The following PHF10 variants were observed in gnomAD, a reference collection of about 807,000 sequenced individuals.
PHF10 encodes PHD finger protein 10.
In PHF10, 51 loss-of-function variants were observed where a neutral mutation model predicts 68.5. The observed-to-expected ratio is 0.74, with a 90% CI of 0.59 to 0.94. The LOEUF is 0.94. Among genes scored for constraint, PHF10 ranks in the 40% least tolerant of loss-of-function variants. The probability of loss-of-function intolerance (pLI) is 0.00; values close to 1 mark genes in which losing one functional copy is unlikely to be tolerated. For missense variants in PHF10, 460 were observed against 602.6 expected (o/e 0.76, Z 2.48); for synonymous variants, 204 against 203.5 (o/e 1.00, Z -0.02).
intron 9 of PHF10, 29 bp downstream of exon 9, chr6:169,710,207 A>C (rs1788895010): frequency 2.6e-6 from 4 of 1,544,932 alleles, no homozygotes; most frequent in East Asian, 2.3e-5. Context: ...GTCAGTAAAG[A>C]AGCTGAGTCA....
At chr6:169,707,156 CAT>C (rs1788820497) in intron 9 of PHF10, 1 of 152,116 alleles carries the variant, frequency 6.6e-6, no homozygotes. Context: ...GTTAAACATA[CAT>C]ATAAAACTTT....
chr6:169,722,343 C>A (rs1789200090), intron 1 of PHF10, among the ~76,000 whole-genome samples: 1 of 152,188 alleles, frequency 6.6e-6, no homozygotes, highest in South Asian at 2.1e-4. Context: ...TATCTGCATA[C>A]AACTGCAACA....
chr6:169,710,514 G>T lies in PHF10; in HGVS notation c.958-123C>A, dbSNP rs988055758. ...AGCTTTATCATTTTAAAAATAAAAA[G>T]ATCATTCTAAATGTAAGAAAGCTTT... On this transcript the variant is annotated intron_variant, in intron 8 of 11. Transcript: ENST00000339209. 4 of 743,580 alleles carry T rather than the reference G, an allele frequency of 5.4e-6. No individual in the cohort carries two copies. The East Asian group carries it at 1.1e-4, about 20-fold the overall frequency. The allele number at this position is 743,580 out of a possible 1,614,324, so 46.1% of individuals were successfully genotyped here.
chr6:169,704,087 A>G lies in PHF10; in HGVS notation c.1413T>C (p.Gly471=). Residue 471 remains glycine, a splice_region_variant and synonymous_variant, in exon 12 of 12, where the codon GGT becomes GGC. Transcript: ENST00000339209. Reference sequence around the variant, plus strand: ...GCTGACAACAGTCACAAATCCAGCGACCTAGGAAAAAAATTGTTAATATAG... The same window carrying G: ...GCTGACAACAGTCACAAATCCAGCGGCCTAGGAAAAAAATTGTTAATATAG... ...FCVGLGAIPS[G]RWICDCCQRA... is the part of the protein sequence containing the mutation. 6.3e-7 allele frequency: 1 copy of G among 1,575,526 alleles called. No homozygotes were observed. Among genetic ancestry groups the G allele is most frequent in the Non-Finnish European group, 8.6e-7 (1 of 1,169,574 alleles).
chr6:169,717,121 A>T (rs1396358667), intron 4 of PHF10, among the ~76,000 whole-genome samples: 1 of 152,078 alleles, frequency 6.6e-6, no homozygotes, highest in Non-Finnish European at 1.5e-5. Flanking sequence ...CTGTGATGAC[A>T]TGCGCCTGTA....
chr6:169,720,938 G>A, intron 2 of PHF10, 67 bp downstream of exon 2: 1 of 786,462 alleles, frequency 1.3e-6, no homozygotes, highest in South Asian at 1.6e-5. Context: ...CTGGGGGAAA[G>A]GGAAGAGGAT....
At chr6:169,723,006 G>C (rs1004140195) in intron 1 of PHF10, among the ~76,000 whole-genome samples, 1 of 152,198 alleles carries the variant, frequency 6.6e-6, no homozygotes, top group Non-Finnish European at 1.5e-5. Context: ...ACAGCACGGT[G>C]GACGTGCGCA....
Position 169,717,853 on chromosome 6 carries a change from T to C in PHF10, c.379A>G (p.Asn127Asp), listed in dbSNP as rs1203702963. ...GTGCACTGAGTTTCAGTAATGACAT[T>C]TAGCTCTCTCAGGTAGAGTTTCTCC... The part of the protein sequence containing the change: ...HKEKLYLREL[N>D]VITETQCTLG... The change falls in exon 4 of 12, where the codon AAT becomes GAT. Residue 127 changes from asparagine (N) to aspartate (D), a missense_variant. By Grantham distance (23) the Asn-to-Asp change is conservative. Transcript: ENST00000339209. 1.3e-6 allele frequency: 2 copies of C among 1,563,170 alleles called. No individual in the cohort carries two copies. Among genetic ancestry groups the C allele is most frequent in the Admixed American group, 1.7e-5 (1 of 59,092 alleles).
chr6:169,714,582 C>T, intron 7 of PHF10, 151 bp downstream of exon 7: 3 of 632,948 alleles, frequency 4.7e-6, no homozygotes, highest in Non-Finnish European at 8.5e-6. Flanking sequence ...GTATTGTTTA[C>T]CACAGAACCA....
intron 9 of PHF10, 85 bp from the exon 10 acceptor site, chr6:169,705,809 T>G: frequency 2.6e-6 from 2 of 770,580 alleles, no homozygotes; most frequent in East Asian, 2.5e-5. Context: ...TATTGCCCTA[T>G]TTTTACTTTT....
At chr6:169,722,433 A>G (rs757546091) in intron 1 of PHF10, among the ~76,000 whole-genome samples, 2 of 152,184 alleles carry the variant, frequency 1.3e-5, no homozygotes, top group Non-Finnish European at 2.9e-5. Context: ...CATTTTAAGG[A>G]TTTTTATATC....
chr6:169,709,599 C>CT (rs553032920), intron 9 of PHF10: 10 of 152,182 alleles, frequency 6.6e-5, no homozygotes, highest in African/African-American at 9.7e-5. Context: ...CTCCTTTACT[C>CT]TGAGGATAAT....
In PHF10 at chr6:169,713,105, T is replaced by C. The variant is rs375812331; in HGVS notation, c.804-566A>G. ...CTAACAAATTTAATCATCTATTTTG[T>C]CTGAAACTATATTGGCAATCTCTTC... is the stretch of plus-strand genomic sequence containing the variant. On this transcript the variant is annotated intron_variant, in intron 7 of 11. Coordinates refer to ENST00000339209, the MANE Select transcript of PHF10 (RefSeq NM_018288.4). Among the ~76,000 whole-genome samples the C allele has an allele frequency of 1.4e-4, 21 of 152,310 alleles. No individual in the cohort carries two copies. The South Asian group carries it at 4.1e-3, about 30-fold the overall frequency.
chr6:169,708,328 A>C (rs1459283653), intron 9 of PHF10: 1 of 152,142 alleles, frequency 6.6e-6, no homozygotes, highest in African/African-American at 2.4e-5. Flanking sequence ...TAACCTAAAC[A>C]ATACTGTTCT....
chr6:169,722,376 A>C (rs1250824172), intron 1 of PHF10, among the ~76,000 whole-genome samples: 1 of 152,248 alleles, frequency 6.6e-6, no homozygotes, highest in Admixed American at 6.5e-5. Context: ...TACTTTCAAC[A>C]TAACTCATTT....
At chr6:169,705,436 C>A in intron 10 of PHF10, 115 bp from the exon 11 acceptor site, 2 of 771,800 alleles carry the variant, frequency 2.6e-6, no homozygotes, top group Non-Finnish European at 4.3e-6. Context: ...GTCAAATCGC[C>A]AAAGAGAAAT....
intron 9 of PHF10, chr6:169,708,308 C>T (rs987841294): frequency 6.6e-6 from 1 of 152,036 alleles, no homozygotes. Context: ...CTTTAAATTT[C>T]AGGTTAATGT....
At chr6:169,709,781 A>G (rs1788885829) in intron 9 of PHF10, 1 of 152,210 alleles carries the variant, frequency 6.6e-6, no homozygotes, top group African/African-American at 2.4e-5. Flanking sequence ...TTAAACCCAG[A>G]TCTTTCTTAA....
chr6:169,719,454 G>A (rs1789126961), intron 2 of PHF10, among the ~76,000 whole-genome samples: 1 of 152,204 alleles, frequency 6.6e-6, no homozygotes, highest in South Asian at 2.1e-4. Flanking sequence ...CTAGTTTGAA[G>A]GTGCCAGGGT....
Sources: gnomAD v4.1 joint callset for allele counts (sites outside exome capture counted in the v4.1 genomes callset) on GRCh38, gnomAD v4.1.1 for gene constraint, MANE v1.5 for transcripts, NCBI Gene and HGNC (gene_info 2026-07-23, HGNC 2026-07-21) for gene names.